Variants in NALCN observed in about 807,000 individuals in gnomAD.
NALCN encodes sodium leak channel NALCN.
A neutral mutation model predicts 225.3 loss-of-function variants in NALCN; 111 were observed. That is an observed-to-expected ratio of 0.49 (90% CI 0.42 to 0.58). The LOEUF (loss-of-function observed/expected upper bound fraction) is 0.58, where lower values mean the gene tolerates loss of function less well. NALCN is among the 20% of genes least tolerant of loss of function. NALCN has a pLI of 0.00. For missense variants in NALCN, 1,378 were observed against 2,202.4 expected (o/e 0.63, Z 7.49); for synonymous variants, 764 against 769.0 (o/e 0.99, Z 0.11).
At chr13:101,301,187 A>G (rs2043950684) in intron 7 of NALCN, among the ~76,000 whole-genome samples, 1 of 152,240 alleles carries the variant, frequency 6.6e-6, no homozygotes, top group African/African-American at 2.4e-5. Flanking sequence ...CCGGATGCTG[A>G]CATTGGCAGG....
intron 13 of NALCN, among the ~76,000 whole-genome samples, chr13:101,205,088 TA>T (rs2040262136): frequency 6.6e-6 from 1 of 152,114 alleles, no homozygotes; most frequent in South Asian, 2.1e-4. Context: ...TCTTGGGTGT[TA>T]CAGGTAAAAG....
chr13:101,392,011 A>T (rs540866810), intron 3 of NALCN, among the ~76,000 whole-genome samples: 10 of 151,694 alleles, frequency 6.6e-5, no homozygotes, highest in African/African-American at 1.2e-4. Flanking sequence ...AAACAAAAAA[A>T]AAACAAAAAA....
At chr13:101,057,843 A>G (rs928773478) in intron 43 of NALCN, 96 bp downstream of exon 43, 3 of 923,472 alleles carry the variant, frequency 3.2e-6, no homozygotes, top group Non-Finnish European at 5.4e-6. Flanking sequence ...CTGTAGATGC[A>G]GACTTGCATT....
At chr13:101,412,044 G>C (rs553157872) in intron 1 of NALCN, among the ~76,000 whole-genome samples, 65 of 152,268 alleles carry the variant, frequency 4.3e-4, no homozygotes, top group African/African-American at 1.5e-3. Flanking sequence ...TGATCACAAT[G>C]ATGGTGAAAT....
intron 11 of NALCN, among the ~76,000 whole-genome samples, chr13:101,241,363 C>T (rs533971495): frequency 8.7e-4 from 132 of 152,118 alleles, no homozygotes; most frequent in Non-Finnish European, 1.6e-3. Flanking sequence ...AGATTCTGGA[C>T]GTAATGGGAT....
At chr13:101,064,986 A>G (rs1415284906) in intron 40 of NALCN, among the ~76,000 whole-genome samples, 1 of 152,088 alleles carries the variant, frequency 6.6e-6, no homozygotes, top group Non-Finnish European at 1.5e-5. Context: ...TTCTCATCAG[A>G]CCCATGCAAG....
intron 13 of NALCN, among the ~76,000 whole-genome samples, chr13:101,192,666 A>AAAC (rs1594404753): frequency 1.3e-5 from 2 of 148,250 alleles, no homozygotes; most frequent in Non-Finnish European, 2.9e-5. Context: ...CAAGACCAAA[A>AAAC]AAACAAACAA....
At chr13:101,380,064 T>C (rs2046806316) in intron 3 of NALCN, among the ~76,000 whole-genome samples, 2 of 138,512 alleles carry the variant, frequency 1.4e-5, no homozygotes, top group Admixed American at 1.5e-4. Context: ...CCACTGTATA[T>C]ATGTGGATGT....
At chr13:101,146,377 T>G (rs2037344360) in intron 15 of NALCN, among the ~76,000 whole-genome samples, 1 of 152,174 alleles carries the variant, frequency 6.6e-6, no homozygotes, top group Non-Finnish European at 1.5e-5. Context: ...TGGCACGTTC[T>G]CAACAGTTCC....
At chr13:101,413,326 G>A (rs924535586) in intron 1 of NALCN, among the ~76,000 whole-genome samples, 2 of 151,976 alleles carry the variant, frequency 1.3e-5, no homozygotes, top group African/African-American at 4.8e-5. Context: ...GACAGATATG[G>A]ACATATTTGG....
intron 6 of NALCN, among the ~76,000 whole-genome samples, chr13:101,347,796 G>A (rs1264650111): frequency 1.3e-5 from 2 of 152,170 alleles, no homozygotes; most frequent in East Asian, 1.9e-4. Context: ...TGAGGGTTAA[G>A]TAAAGTAAAC....
chr13:101,381,308 C>T (rs974859125), intron 3 of NALCN, among the ~76,000 whole-genome samples: 3 of 152,036 alleles, frequency 2.0e-5, no homozygotes, highest in Non-Finnish European at 4.4e-5. Context: ...ATAAACGCAT[C>T]ACAAAGGTTA....
rs919861714 is a variant in NALCN, at chr13:101,160,666, GT to G, written c.1839+15633del. On this transcript the variant is annotated intron_variant, in intron 15 of 43. Coordinates refer to ENST00000251127, the MANE Select transcript of NALCN (RefSeq NM_052867.4). ...CTGTTTTTTGTTTTGTTTTGTTTTT[GT>G]TTTTTTTTATGAAGGTGTTTCTTCC... Among the ~76,000 whole-genome samples, 14 of 150,816 alleles carry G rather than the reference GT, an allele frequency of 9.3e-5. No homozygotes were observed. The South Asian group carries it at 2.3e-3, about 25-fold the overall frequency.
At chr13:101,189,091 G>C (rs1440593796) in intron 14 of NALCN, among the ~76,000 whole-genome samples, 1 of 152,102 alleles carries the variant, frequency 6.6e-6, no homozygotes, top group African/African-American at 2.4e-5. Context: ...CTCTGAAGTA[G>C]GGATGCCCCT....
intron 10 of NALCN, among the ~76,000 whole-genome samples, chr13:101,262,197 C>G (rs945824893): frequency 6.6e-6 from 1 of 152,102 alleles, no homozygotes; most frequent in African/African-American, 2.4e-5. Flanking sequence ...GGGATAAATC[C>G]GACTTGGTCA....
intron 7 of NALCN, among the ~76,000 whole-genome samples, chr13:101,331,648 A>G (rs2045176656): frequency 6.6e-6 from 1 of 152,136 alleles, no homozygotes; most frequent in Admixed American, 6.5e-5. Flanking sequence ...AAAGTGTTCT[A>G]GGAAGAAGCC....
intron 18 of NALCN, among the ~76,000 whole-genome samples, chr13:101,119,157 C>G (rs542978990): frequency 6.6e-6 from 1 of 152,152 alleles, no homozygotes; most frequent in South Asian, 2.1e-4. Context: ...AAAAATCCAG[C>G]TAATGTCATT....
At chr13:101,286,864 TACAC>T (rs71121180) in intron 9 of NALCN, among the ~76,000 whole-genome samples, 2,756 of 146,998 alleles carry the variant, frequency 0.019, 85 homozygotes, top group African/African-American at 0.059. Context: ...CCAGGTATTA[TACAC>T]ACACACACAC....
chr13:101,198,366 G>A (rs1199659213), intron 13 of NALCN, among the ~76,000 whole-genome samples: 1 of 152,096 alleles, frequency 6.6e-6, no homozygotes, highest in Non-Finnish European at 1.5e-5. Flanking sequence ...CTTACAGAAT[G>A]GGAGAAAATT....
Sources: allele counts gnomAD v4.1 joint callset (sites outside exome capture counted in the v4.1 genomes callset), GRCh38; gene constraint gnomAD v4.1.1; transcripts MANE v1.5; gene names NCBI Gene and HGNC (gene_info 2026-07-23, HGNC 2026-07-21).